The following RGS17 variants were observed in gnomAD, a reference collection of about 807,000 sequenced individuals.
RGS17 encodes regulator of G-protein signaling 17.
Under a neutral mutation model 25.5 loss-of-function variants are expected in RGS17, and 12 were observed. That is an observed-to-expected ratio of 0.47 (90% CI 0.30 to 0.76). The LOEUF (loss-of-function observed/expected upper bound fraction) is 0.76, where lower values mean the gene tolerates loss of function less well. Among genes scored for constraint, RGS17 ranks in the 30% least tolerant of loss-of-function variants. The pLI is 0.07. For synonymous variants in RGS17, 71 were observed against 76.9 expected (o/e 0.92, Z 0.40); for missense variants, 196 against 242.2 (o/e 0.81, Z 1.27).
rs1006930509 is a variant in RGS17, at chr6:153,130,705, A to C, written c.-26+419T>G. On this transcript the variant is annotated intron_variant, in intron 1 of 4. Transcript: ENST00000206262. The surrounding 1 kb of genome is among the most constrained non-coding windows in gnomAD (Gnocchi z 6.4). Reference sequence around the variant, plus strand: ...TCCCAACCAACCGCACAAAACCCGCAACACCTCGCGTCCCCGCGGGGTCTC... The same window carrying C: ...TCCCAACCAACCGCACAAAACCCGCCACACCTCGCGTCCCCGCGGGGTCTC... Among the ~76,000 whole-genome samples, 2 of 152,022 alleles carry C rather than the reference A, an allele frequency of 1.3e-5. No individual in the cohort carries two copies. The highest frequency in any genetic ancestry group is 4.8e-5 in the African/African-American group (2 of 41,418).
At chr6:153,020,786 T>C (rs1039380249) in intron 4 of RGS17, among the ~76,000 whole-genome samples, 1 of 152,094 alleles carries the variant, frequency 6.6e-6, no homozygotes, top group South Asian at 2.1e-4. Flanking sequence ...AGTAGAAACA[T>C]GCATAGAATT....
At position 153,007,405 on chromosome 6, in the gene RGS17, ATATACT is replaced by A. The variant is rs1779086880; in HGVS notation, c.*4163_*4168del. The A allele has an allele frequency of 6.6e-6, 1 of 152,292 alleles. No individual in the cohort carries two copies. Among genetic ancestry groups the A allele is most frequent in the African/African-American group, 2.4e-5 (1 of 41,574 alleles). 9.4% of individuals were successfully genotyped at this position (152,292 alleles called of 1,614,324 possible). A position where few individuals can be genotyped will look rare whatever the true frequency, so the allele number is the denominator to read the frequency against. On this transcript the variant is annotated 3_prime_UTR_variant, in exon 5 of 5. Coordinates refer to ENST00000206262, the MANE Select transcript of RGS17 (RefSeq NM_012419.5). ...AAACACAAAAATACATGTTTGAAAAATATACTTAGAAAATTATGGTTGTAAACTGTC... is the reference window on the plus strand; with the variant it reads ...AAACACAAAAATACATGTTTGAAAAATAGAAAATTATGGTTGTAAACTGTC...
At chr6:153,066,654 A>C (rs924487865) in intron 1 of RGS17, among the ~76,000 whole-genome samples, 2 of 152,224 alleles carry the variant, frequency 1.3e-5, no homozygotes, top group African/African-American at 2.4e-5. Flanking sequence ...ATCATGACCC[A>C]GTAGGATTTA....
At chr6:153,070,940 T>C (rs992976968) in intron 1 of RGS17, among the ~76,000 whole-genome samples, 1 of 150,156 alleles carries the variant, frequency 6.7e-6, no homozygotes. Context: ...TACATGCACA[T>C]GTGTATATCT....
At chr6:153,081,776 T>C (rs1160235974) in intron 1 of RGS17, among the ~76,000 whole-genome samples, 1 of 152,152 alleles carries the variant, frequency 6.6e-6, no homozygotes, top group African/African-American at 2.4e-5. Context: ...AAGAAATATT[T>C]AAGGAAAAAA....
chr6:153,019,847 G>T (rs983705693), intron 4 of RGS17, among the ~76,000 whole-genome samples: 1 of 151,754 alleles, frequency 6.6e-6, no homozygotes, highest in Admixed American at 6.6e-5. Flanking sequence ...ATGCAAGATT[G>T]GCCTAACACA....
chr6:153,023,274 C>T (rs1166289914), intron 4 of RGS17: 1 of 380,122 alleles, frequency 2.6e-6, no homozygotes, highest in Non-Finnish European at 5.4e-6. Context: ...CATAAATGTT[C>T]AGGTGCACAA....
At chr6:153,070,324 C>G (rs1473909218) in intron 1 of RGS17, among the ~76,000 whole-genome samples, 1 of 151,884 alleles carries the variant, frequency 6.6e-6, no homozygotes, top group Non-Finnish European at 1.5e-5. Context: ...CAGCTTTTAG[C>G]AAAGAATAAC....
At chr6:153,049,089 T>A (rs1180804595) in intron 1 of RGS17, among the ~76,000 whole-genome samples, 1 of 151,854 alleles carries the variant, frequency 6.6e-6, no homozygotes, top group Non-Finnish European at 1.5e-5. Flanking sequence ...TTAGAAAAAA[T>A]AAATAAAAAT....
rs368343007 is a variant in RGS17, at chr6:153,025,130, C to T, written c.210-634G>A. Among the ~76,000 whole-genome samples the T allele has an allele frequency of 2.1e-5, 3 of 145,102 alleles. No individual in the cohort carries two copies. In the East Asian group the frequency reaches 6.0e-4, roughly 29 times the overall value. On this transcript the variant is annotated intron_variant, in intron 3 of 4. Coordinates refer to ENST00000206262, the MANE Select transcript of RGS17 (RefSeq NM_012419.5). ...TTTGAGGTCAGCCTGGGAAACATAG[C>T]AAGATCCTGTCTCTGCAAAAAAAAA...
At chr6:153,074,860 G>A (rs1240255089) in intron 1 of RGS17, among the ~76,000 whole-genome samples, 1 of 152,066 alleles carries the variant, frequency 6.6e-6, no homozygotes. Flanking sequence ...CTCAGTTTGG[G>A]AAGAAAACTA....
In RGS17 at chr6:153,063,198, T is replaced by A. The variant is rs570072302; in HGVS notation, c.-25-19155A>T. ...ACAACTATCAAGACACTGTTGATAG[T>A]TGTAGGAAAAAAAGGACCTCACCAA... On this transcript the variant is annotated intron_variant, in intron 1 of 4. Transcript: ENST00000206262. Among the ~76,000 whole-genome samples the A allele has an allele frequency of 1.4e-3, 218 of 152,186 alleles. 2 individuals carry two copies. The highest frequency in any genetic ancestry group is 4.9e-3 in the African/African-American group (204 of 41,540).
chr6:153,007,202 C>T lies in RGS17; in HGVS notation c.*4372G>A, dbSNP rs1779084978. On this transcript the variant is annotated 3_prime_UTR_variant, in exon 5 of 5. Coordinates refer to ENST00000206262, the MANE Select transcript of RGS17 (RefSeq NM_012419.5). ...CAGAAATAATACTTGTCATTGTGCA[C>T]CATCTTGTGTTGCAAGGATATTTTA... 6.6e-6 allele frequency: 1 copy of T among 152,128 alleles called. No individual in the cohort carries two copies. Among genetic ancestry groups the T allele is most frequent in the African/African-American group, 2.4e-5 (1 of 41,428 alleles). The allele number at this position is 152,128 out of a possible 1,614,324, so 9.4% of individuals were successfully genotyped here. A position where few individuals can be genotyped will look rare whatever the true frequency, so the allele number is the denominator to read the frequency against.
chr6:153,012,370 A>G, intron 4 of RGS17, among the ~76,000 whole-genome samples: 1 of 152,186 alleles, frequency 6.6e-6, no homozygotes, highest in East Asian at 1.9e-4. Context: ...CTTACTAACG[A>G]TGAAGCAGAT....
chr6:153,099,673 A>G (rs1777269238), intron 1 of RGS17, among the ~76,000 whole-genome samples: 1 of 152,204 alleles, frequency 6.6e-6, no homozygotes, highest in Non-Finnish European at 1.5e-5. Context: ...ATTTGTAATC[A>G]GAAGTCCTGT....
At chr6:153,051,291 C>A (rs1776458757) in intron 1 of RGS17, among the ~76,000 whole-genome samples, 1 of 152,084 alleles carries the variant, frequency 6.6e-6, no homozygotes. Flanking sequence ...CCAAGATTGT[C>A]ATGAAGGGAC....
Position 153,024,243 on chromosome 6 carries a change from A to G in RGS17, c.444+19T>C, listed in dbSNP as rs912905492. The G allele has an allele frequency of 7.1e-6, 11 of 1,553,498 alleles. No homozygotes were observed. In the African/African-American group the frequency reaches 1.1e-4, roughly 15 times the overall value. ...CCTTGGTCTTAGGAAGCCCACCTCA[A>G]TGTTTTCCAGATTTTTACCTCTTTT... is the stretch of plus-strand genomic sequence containing the variant. On this transcript the variant is annotated intron_variant, in intron 4 of 4. Transcript: ENST00000206262.
Position 153,009,291 on chromosome 6 carries a change from C to G in RGS17, c.*2283G>C, listed in dbSNP as rs1000054607. On this transcript the variant is annotated 3_prime_UTR_variant, in exon 5 of 5. Coordinates refer to ENST00000206262, the MANE Select transcript of RGS17 (RefSeq NM_012419.5). ...AAAGATGGATGCATGCAGTGTATCA[C>G]AGTATATTACATATTTTCTAGTCAT... 75 of 152,188 alleles carry G rather than the reference C, an allele frequency of 4.9e-4. 1 individual carries two copies. The highest frequency in any genetic ancestry group is 1.8e-3 in the African/African-American group (73 of 41,552). 9.4% of individuals were successfully genotyped at this position (152,188 alleles called of 1,614,324 possible).
intron 1 of RGS17, among the ~76,000 whole-genome samples, chr6:153,063,489 A>T (rs1776665756): frequency 6.6e-6 from 1 of 152,202 alleles, no homozygotes; most frequent in Non-Finnish European, 1.5e-5. Flanking sequence ...CAAGCTGAAG[A>T]AAGAATTAAT....
Sources: allele counts gnomAD v4.1 joint callset (sites outside exome capture counted in the v4.1 genomes callset), GRCh38; gene constraint gnomAD v4.1.1; non-coding constraint Gnocchi (gnomAD v3.1); transcripts MANE v1.5; gene names NCBI Gene and HGNC (gene_info 2026-07-23, HGNC 2026-07-21).